VRK1: variants seen among roughly 807,000 people sequenced by gnomAD.
The protein encoded by VRK1 is VRK serine/threonine kinase 1, also known as serine/threonine-protein kinase VRK1.
A neutral mutation model predicts 57.1 loss-of-function variants in VRK1; 33 were observed. The observed-to-expected ratio is 0.58, with a 90% confidence interval of 0.44 to 0.77. The LOEUF (loss-of-function observed/expected upper bound fraction) is 0.77. VRK1 is among the 30% of genes least tolerant of loss of function. The pLI is 0.00. For missense variants in VRK1, 413 were observed against 477.3 expected (o/e 0.87, Z 1.25); for synonymous variants, 137 against 147.8 (o/e 0.93, Z 0.53).
At chr14:96,817,971 A>G (rs1271574414) in intron 1 of VRK1, among the ~76,000 whole-genome samples, 1 of 151,526 alleles carries the variant, frequency 6.6e-6, no homozygotes, top group African/African-American at 2.4e-5. Context: ...GATAGGCACA[A>G]CAGTGATTCT....
At position 96,863,917 on chromosome 14, in the gene VRK1, T is replaced by G. The variant is rs111731653; in HGVS notation, c.1068+3182T>G. Among the ~76,000 whole-genome samples, 380 of 152,328 alleles carry G rather than the reference T, an allele frequency of 2.5e-3. 3 individuals carry two copies. The highest frequency in any genetic ancestry group is 8.4e-3 in the African/African-American group (348 of 41,574). On this transcript the variant is annotated intron_variant, in intron 11 of 12. Transcript: ENST00000216639. ...GTGGACAGCTTTCTTCCTTTCTTTC[T>G]GAAGGGATTGCACCTCGTACAGCCT... is the stretch of plus-strand genomic sequence containing the variant.
At chr14:96,864,792 G>A (rs1052720725) in intron 11 of VRK1, among the ~76,000 whole-genome samples, 31 of 152,024 alleles carry the variant, frequency 2.0e-4, no homozygotes, top group African/African-American at 7.2e-4. Context: ...TTTGGTGGAC[G>A]TGCACTGATT....
chr14:96,812,811 A>G lies in VRK1; in HGVS notation c.-6+15364A>G, dbSNP rs72711022. On this transcript the variant is annotated intron_variant, in intron 1 of 12. Coordinates refer to ENST00000216639, the MANE Select transcript of VRK1 (RefSeq NM_003384.3). Reference sequence around the variant, plus strand: ...GATTACTTTAGATTGGAAAATGTACATCTACTGGTTATTGGAATAGATCAT... The same window carrying G: ...GATTACTTTAGATTGGAAAATGTACGTCTACTGGTTATTGGAATAGATCAT... Among the ~76,000 whole-genome samples, 1,145 of 152,322 alleles carry G rather than the reference A, an allele frequency of 7.5e-3. 7 individuals carry two copies. The highest frequency in any genetic ancestry group is 9.4e-3 in the Non-Finnish European group (637 of 68,018).
At chr14:96,815,038 A>G (rs1182925289) in intron 1 of VRK1, among the ~76,000 whole-genome samples, 1 of 152,196 alleles carries the variant, frequency 6.6e-6, no homozygotes, top group Non-Finnish European at 1.5e-5. Context: ...AAATTACTGG[A>G]AGTACACTTT....
At chr14:96,836,635 A>T (rs1284747934) in intron 2 of VRK1, among the ~76,000 whole-genome samples, 1 of 143,866 alleles carries the variant, frequency 7.0e-6, no homozygotes, top group Non-Finnish European at 1.5e-5. Context: ...TGATTCTCCC[A>T]CCTCAGCCTC....
intron 9 of VRK1, 115 bp from the exon 10 acceptor site, chr14:96,856,413 A>C: frequency 7.4e-7 from 1 of 1,353,490 alleles, no homozygotes. Flanking sequence ...TTTTAGAAAA[A>C]TGTCTGTAAG....
At chr14:96,801,836 C>G (rs917744145) in intron 1 of VRK1, among the ~76,000 whole-genome samples, 1 of 152,022 alleles carries the variant, frequency 6.6e-6, no homozygotes, top group African/African-American at 2.4e-5. Flanking sequence ...GGTCTTCATC[C>G]TCATTGTCTT....
intron 1 of VRK1, among the ~76,000 whole-genome samples, chr14:96,810,382 T>C (rs2139693684): frequency 6.6e-6 from 1 of 152,334 alleles, no homozygotes; most frequent in South Asian, 2.1e-4. Context: ...TTAAGAAGTT[T>C]TTGCTACTCT....
chr14:96,833,375 C>G, intron 1 of VRK1, 92 bp from the exon 2 acceptor site: 1 of 1,467,196 alleles, frequency 6.8e-7, no homozygotes. Context: ...GGAATTTGAA[C>G]AGCATCTCCG....
Position 96,799,980 on chromosome 14 carries a change from C to G in VRK1, c.-6+2533C>G, listed in dbSNP as rs527876293. On this transcript the variant is annotated intron_variant, in intron 1 of 12. Transcript: ENST00000216639. Reference sequence around the variant, plus strand: ...TTTTTTTTTTAACTTTATCTAGCATCCAGCACAGAATAATCCAATAAATGT... The same window carrying G: ...TTTTTTTTTTAACTTTATCTAGCATGCAGCACAGAATAATCCAATAAATGT... Among the ~76,000 whole-genome samples, 13 of 149,236 alleles carry G rather than the reference C, an allele frequency of 8.7e-5. 1 individual carries two copies. Among genetic ancestry groups the G allele is most frequent in the Non-Finnish European group, 1.9e-4 (13 of 67,584 alleles).
chr14:96,872,304 A>G (rs1888853184), intron 11 of VRK1, among the ~76,000 whole-genome samples: 2 of 152,226 alleles, frequency 1.3e-5, no homozygotes, highest in Non-Finnish European at 2.9e-5. Flanking sequence ...AAGATATGAA[A>G]TTACCTCTTT....
chr14:96,850,384 C>T (rs975636696), intron 5 of VRK1, among the ~76,000 whole-genome samples: 1 of 152,084 alleles, frequency 6.6e-6, no homozygotes, highest in African/African-American at 2.4e-5. Flanking sequence ...ATCCAAGTCT[C>T]CAGAAAAGTA....
At chr14:96,862,919 G>A (rs17094552) in intron 11 of VRK1, among the ~76,000 whole-genome samples, 9,685 of 152,184 alleles carry the variant, frequency 0.064, 349 homozygotes, top group South Asian at 0.11. Flanking sequence ...TTGGAAAGGG[G>A]TAGGTTTAAT....
intron 1 of VRK1, among the ~76,000 whole-genome samples, chr14:96,817,771 A>G (rs986365307): frequency 1.3e-5 from 2 of 152,194 alleles, no homozygotes; most frequent in Non-Finnish European, 2.9e-5. Flanking sequence ...AAAATATGCT[A>G]AGTGTTATGT....
At chr14:96,856,423 G>T in intron 9 of VRK1, 105 bp from the exon 10 acceptor site, 1 of 1,347,542 alleles carries the variant, frequency 7.4e-7, no homozygotes. Context: ...ATGTCTGTAA[G>T]CATATTTAGG....
intron 3 of VRK1, among the ~76,000 whole-genome samples, chr14:96,843,147 A>G (rs1332212667): frequency 6.6e-6 from 1 of 152,246 alleles, no homozygotes; most frequent in East Asian, 1.9e-4. Flanking sequence ...CCTACAGAAC[A>G]GACACTGTAT....
At chr14:96,801,035 C>T (rs371144273) in intron 1 of VRK1, among the ~76,000 whole-genome samples, 9 of 152,104 alleles carry the variant, frequency 5.9e-5, no homozygotes, top group African/African-American at 1.7e-4. Flanking sequence ...ATTAGGAACA[C>T]GAGCAGCCTC....
rs369820759 is a variant in VRK1 at position 96,849,035 on chromosome 14, G to A, written c.374+1691G>A. 2.0e-5 allele frequency among the ~76,000 whole-genome samples: 3 copies of A among 152,284 alleles called. No homozygotes were observed. The East Asian group carries it at 5.8e-4, about 29-fold the overall frequency. On this transcript the variant is annotated intron_variant, in intron 5 of 12. Transcript: ENST00000216639. ...GCAGAGGAAGAGGGCATGTGTGTAA[G>A]AGAGAAGGAAATAAACTTGGAGAAG...
At chr14:96,865,076 A>G (rs913480275) in intron 11 of VRK1, among the ~76,000 whole-genome samples, 2 of 152,008 alleles carry the variant, frequency 1.3e-5, no homozygotes, top group African/African-American at 4.8e-5. Flanking sequence ...GAATCTCTTC[A>G]TTTTCATGAA....
Sources: gnomAD v4.1 joint callset for allele counts (sites outside exome capture counted in the v4.1 genomes callset) on GRCh38, gnomAD v4.1.1 for gene constraint, MANE v1.5 for transcripts, NCBI Gene and HGNC (gene_info 2026-07-23, HGNC 2026-07-21) for gene names.